DGKG: variants seen among roughly 807,000 people sequenced by gnomAD.
DGKG encodes diacylglycerol kinase gamma, also known as DAG kinase gamma.
Under a neutral mutation model 105.3 loss-of-function variants are expected in DGKG, and 78 were observed. The observed-to-expected ratio is 0.74, with a 90% CI of 0.62 to 0.89. The LOEUF (loss-of-function observed/expected upper bound fraction) is 0.89, where lower values mean the gene tolerates loss of function less well. Ranked by LOEUF, DGKG falls within the 40% of genes least tolerant of loss-of-function variation. DGKG has a pLI of 0.00. For missense variants in DGKG, 958 were observed against 1,020.1 expected, an observed-to-expected ratio of 0.94 and a Z score of 0.83; for synonymous variants, 346 against 367.1, an observed-to-expected ratio of 0.94 and a Z score of 0.66.
rs889349315 is a variant in DGKG, at chr3:186,149,872, G to C, written c.*218C>G. The C allele has an allele frequency of 7.6e-7, 1 of 1,317,006 alleles. No homozygotes were observed. Among genetic ancestry groups the C allele is most frequent in the African/African-American group, 1.5e-5 (1 of 65,388 alleles). 81.6% of individuals were successfully genotyped at this position (1,317,006 alleles called of 1,614,324 possible). A position where few individuals can be genotyped will look rare whatever the true frequency, so the allele number is the denominator to read the frequency against. On this transcript the variant is annotated 3_prime_UTR_variant, in exon 25 of 25. Coordinates refer to ENST00000265022, the MANE Select transcript of DGKG (RefSeq NM_001346.3). ...GCCCTAAGTCCATTCAAAATGTTTT[G>C]TTGGCACTGGCTCTGTTAGGGGTGT...
chr3:186,198,857 G>C lies in DGKG; in HGVS notation c.1918-10478C>G, dbSNP rs535305521. ...CTGTTTTCCGCAGAGAAAAACTAGA[G>C]AGAATGTTTCTAGTGTCAATAACCT... On this transcript the variant is annotated intron_variant, in intron 21 of 24. Transcript: ENST00000265022. Among the ~76,000 whole-genome samples, 8 of 152,338 alleles carry C rather than the reference G, an allele frequency of 5.3e-5. No individual in the cohort carries two copies. In the East Asian group the frequency reaches 1.5e-3, roughly 29 times the overall value.
chr3:186,296,807 G>A (rs1261242844), intron 5 of DGKG, among the ~76,000 whole-genome samples: 3 of 152,220 alleles, frequency 2.0e-5, no homozygotes, highest in Non-Finnish European at 2.9e-5. Context: ...GTAAAGTGGT[G>A]TGATTGTGAA....
chr3:186,338,077 G>T (rs1331989920), intron 1 of DGKG, among the ~76,000 whole-genome samples: 1 of 151,412 alleles, frequency 6.6e-6, no homozygotes, highest in South Asian at 2.1e-4. Flanking sequence ...GACTGAGGTG[G>T]GAGGATCCCT....
At chr3:186,162,696 T>C (rs557823430) in intron 23 of DGKG, among the ~76,000 whole-genome samples, 2 of 127,508 alleles carry the variant, frequency 1.6e-5, no homozygotes, top group African/African-American at 5.1e-5. Flanking sequence ...CCTGCCACCA[T>C]GTCCAGCTAA....
intron 24 of DGKG, chr3:186,160,827 CA>C (rs1250328005): frequency 4.2e-5 from 41 of 985,396 alleles, no homozygotes; most frequent in Non-Finnish European, 1.6e-5. Context: ...TAACTGAGGA[CA>C]AACTAAGAAG....
At chr3:186,337,458 GA>G (rs1233821157) in intron 1 of DGKG, among the ~76,000 whole-genome samples, 1 of 152,002 alleles carries the variant, frequency 6.6e-6, no homozygotes, top group African/African-American at 2.4e-5. Context: ...GAAGGTAAAT[GA>G]AACCTCCTTT....
At chr3:186,204,708 C>T (rs756279525) in intron 21 of DGKG, among the ~76,000 whole-genome samples, 17 of 151,988 alleles carry the variant, frequency 1.1e-4, no homozygotes, top group South Asian at 1.0e-3. Flanking sequence ...TGGGTTGGTT[C>T]CATTTTGTTG....
intron 20 of DGKG, among the ~76,000 whole-genome samples, chr3:186,219,819 A>G (rs1560101333): frequency 6.6e-6 from 1 of 152,334 alleles, no homozygotes; most frequent in East Asian, 1.9e-4. Flanking sequence ...AATCCTCTTA[A>G]TAACCTCTGA....
intron 1 of DGKG, among the ~76,000 whole-genome samples, chr3:186,349,163 C>T (rs1726504885): frequency 6.6e-6 from 1 of 152,060 alleles, no homozygotes; most frequent in Non-Finnish European, 1.5e-5. Context: ...CCTTGACCTT[C>T]TGGGCTTAAG....
intron 5 of DGKG, among the ~76,000 whole-genome samples, chr3:186,290,516 T>A (rs1030768643): frequency 1.3e-5 from 2 of 152,162 alleles, no homozygotes; most frequent in Admixed American, 6.5e-5. Flanking sequence ...CTGGACAAAA[T>A]GTATGAAACA....
At chr3:186,349,633 C>T (rs934566439) in intron 1 of DGKG, among the ~76,000 whole-genome samples, 4 of 152,142 alleles carry the variant, frequency 2.6e-5, no homozygotes, top group African/African-American at 9.7e-5. Flanking sequence ...TTTTCATGAG[C>T]TTCACAAAGA....
intron 5 of DGKG, among the ~76,000 whole-genome samples, chr3:186,289,834 T>C (rs1723236578): frequency 6.6e-6 from 1 of 152,158 alleles, no homozygotes; most frequent in Admixed American, 6.5e-5. Flanking sequence ...GTAATGTCTG[T>C]TGAGGAAGGC....
intron 20 of DGKG, among the ~76,000 whole-genome samples, chr3:186,235,237 A>G (rs1720359610): frequency 3.3e-5 from 5 of 152,248 alleles, no homozygotes; most frequent in African/African-American, 1.2e-4. Flanking sequence ...TTCTTTATAA[A>G]TACCTACAGG....
At chr3:186,256,226 A>G (rs986665682) in intron 17 of DGKG, among the ~76,000 whole-genome samples, 15 of 152,114 alleles carry the variant, frequency 9.9e-5, no homozygotes, top group African/African-American at 3.6e-4. Context: ...ATGGCAACCA[A>G]AGCGCCCGGG....
rs1327298732 is a variant in DGKG at position 186,238,134 on chromosome 3, A to G, written c.1826+4370T>C. Among the ~76,000 whole-genome samples, 4 of 151,870 alleles carry G rather than the reference A, an allele frequency of 2.6e-5. No homozygotes were observed. The East Asian group carries it at 7.7e-4, about 29-fold the overall frequency. On this transcript the variant is annotated intron_variant, in intron 20 of 24. Coordinates refer to ENST00000265022, the MANE Select transcript of DGKG (RefSeq NM_001346.3). Reference sequence around the variant, plus strand: ...ATGGTGAAACCCCATCTCTACTAAAAATAGGAAGAAAAGTTAGCCAGGCGT... The same window carrying G: ...ATGGTGAAACCCCATCTCTACTAAAGATAGGAAGAAAAGTTAGCCAGGCGT...
At chr3:186,337,149 G>A (rs759770514) in intron 1 of DGKG, among the ~76,000 whole-genome samples, 11 of 151,938 alleles carry the variant, frequency 7.2e-5, no homozygotes, top group Non-Finnish European at 1.5e-4. Flanking sequence ...AGCATAACCC[G>A]GTAACAAACT....
At chr3:186,304,641 G>T (rs1416252866) in intron 3 of DGKG, among the ~76,000 whole-genome samples, 1 of 152,216 alleles carries the variant, frequency 6.6e-6, no homozygotes, top group East Asian at 1.9e-4. Context: ...TGGGGAAAGG[G>T]GATGGAAGAG....
rs1399725388 is a variant in DGKG, at chr3:186,148,719, G to C, written c.*1371C>G. 2.0e-6 allele frequency: 2 copies of C among 984,456 alleles called. No individual in the cohort carries two copies. The highest frequency in any genetic ancestry group is 1.7e-5 in the African/African-American group (1 of 57,182). 61.0% of individuals were successfully genotyped at this position (984,456 alleles called of 1,614,324 possible). A position where few individuals can be genotyped will look rare whatever the true frequency, so the allele number is the denominator to read the frequency against. ...TCTGACAAATGGGAGAGTAAATCCA[G>C]CCCAGCAGGTCTTTCATGCTTGTTT... On this transcript the variant is annotated 3_prime_UTR_variant, in exon 25 of 25. Coordinates refer to ENST00000265022, the MANE Select transcript of DGKG (RefSeq NM_001346.3).
At chr3:186,315,724 T>C (rs996670965) in intron 2 of DGKG, among the ~76,000 whole-genome samples, 1 of 152,106 alleles carries the variant, frequency 6.6e-6, no homozygotes, top group African/African-American at 2.4e-5. Context: ...CAGAATGATG[T>C]GGGAATGACT....
Sources: gnomAD v4.1 joint callset for allele counts (sites outside exome capture counted in the v4.1 genomes callset) on GRCh38, gnomAD v4.1.1 for gene constraint, MANE v1.5 for transcripts, NCBI Gene and HGNC (gene_info 2026-07-23, HGNC 2026-07-21) for gene names.